RTN2: variants seen among roughly 807,000 people sequenced by gnomAD.
The protein encoded by RTN2 is reticulon-2.
In RTN2, 36 loss-of-function variants were observed where a neutral mutation model predicts 63.7. The observed-to-expected ratio is 0.56, with a 90% CI of 0.43 to 0.75. RTN2 has a LOEUF of 0.75. Among genes scored for constraint, RTN2 ranks in the 30% least tolerant of loss-of-function variants. The pLI is 0.00. For synonymous variants in RTN2, 312 were observed against 313.0 expected (o/e 1.00, Z 0.03); for missense variants, 673 against 705.1 (o/e 0.95, Z 0.52).
chr19:45,489,289 G>A (rs1360358445), intron 6 of RTN2, 57 bp downstream of exon 6: 29 of 1,490,730 alleles, frequency 1.9e-5, no homozygotes, highest in Non-Finnish European at 2.5e-5. Context: ...ATTTGAGGTC[G>A]TGGGTCATGC....
intron 6 of RTN2, 180 bp from the exon 7 acceptor site, chr19:45,489,166 C>T (rs935652980): frequency 2.3e-6 from 2 of 874,074 alleles, no homozygotes; most frequent in South Asian, 1.7e-5. Flanking sequence ...GGGAAGGGAT[C>T]GAGGATGAAG....
At chr19:45,491,450 TC>T (rs1968158518) in intron 5 of RTN2, among the ~76,000 whole-genome samples, 3 of 149,688 alleles carry the variant, frequency 2.0e-5, no homozygotes, top group Admixed American at 1.3e-4. Flanking sequence ...AGCCTCTGCC[TC>T]CCGAGTTCAA....
At chr19:45,493,110 A>C in intron 5 of RTN2, 50 bp downstream of exon 5, 1 of 1,539,542 alleles carries the variant, frequency 6.5e-7, no homozygotes, top group Non-Finnish European at 9.0e-7. Flanking sequence ...GCGAGTTTGG[A>C]CCCCGTTCCG....
At chr19:45,489,286 G>C in intron 6 of RTN2, 60 bp downstream of exon 6, 1 of 1,480,702 alleles carries the variant, frequency 6.8e-7, no homozygotes, top group Non-Finnish European at 9.2e-7. Flanking sequence ...CTGATTTGAG[G>C]TCGTGGGTCA....
chr19:45,494,698 G>A lies in RTN2; in HGVS notation c.387C>T (p.Thr129=), dbSNP rs375788260. The A allele has an allele frequency of 1.9e-6, 3 of 1,613,408 alleles. No homozygotes were observed. The highest frequency in any genetic ancestry group is 1.3e-5 in the African/African-American group (1 of 74,930). Residue 129 remains threonine (T), a synonymous_variant, in exon 3 of 11, where the codon ACC becomes ACT. Transcript: ENST00000245923. This position sits in a 1 kb window ranked among gnomAD's most constrained non-coding sequence, Gnocchi z 5.3. ...CCAGAGGGCGCTCGGATGGAGGCGC[G>A]GTGTCAGGATCACCCCGTCGTCCAG... The part of the protein sequence containing the change: ...PEPGRRGDPD[T]APPSERPLED...
rs1968104699 is a variant in RTN2 at position 45,489,456 on chromosome 19, C to T, written c.1131G>A (p.Val377=). The T allele has an allele frequency of 6.2e-7, 1 of 1,612,690 alleles. No individual in the cohort carries two copies. The highest frequency in any genetic ancestry group is 8.5e-7 in the Non-Finnish European group (1 of 1,179,500). The change falls in exon 6 of 11, where the codon GTG becomes GTA. Residue 377 remains valine (V), a synonymous_variant. Transcript: ENST00000245923. ...ACAGAGCCAAGTGCGCGGCCACGGA[C>T]ACGATGCTAAAGTGCAGGAGGCAGA... ...SLLCLLHFSI[V]SVAAHLALLL...
Position 45,489,570 on chromosome 19 carries a change from G to A in RTN2, c.1034-17C>T. ...GGTCCGCCACTGTGGAGGGGTGGGGGGCATCAGGGCTTGTACCTGACCTGG... is the reference window on the plus strand; with the variant it reads ...GGTCCGCCACTGTGGAGGGGTGGGGAGCATCAGGGCTTGTACCTGACCTGG... On this transcript the variant is annotated splice_polypyrimidine_tract_variant and intron_variant, in intron 5 of 10. Coordinates refer to ENST00000245923, the MANE Select transcript of RTN2 (RefSeq NM_005619.5). 6.4e-7 allele frequency: 1 copy of A among 1,569,996 alleles called. No individual in the cohort carries two copies. The highest frequency in any genetic ancestry group is 8.6e-7 in the Non-Finnish European group (1 of 1,156,674).
In RTN2 at chr19:45,494,152, T is replaced by C. The variant is rs780459042; in HGVS notation, c.814+14A>G. ...TCTGTGGGCCAATGCAGCATCTTCA[T>C]ACACGTTGCTTACCTAGAAGGCGTG... On this transcript the variant is annotated intron_variant, in intron 4 of 10. Transcript: ENST00000245923. The surrounding 1 kb of genome is among the most constrained non-coding windows in gnomAD (Gnocchi z 5.3). The C allele has an allele frequency of 1.3e-6, 2 of 1,599,810 alleles. No homozygotes were observed. The highest frequency in any genetic ancestry group is 1.1e-5 in the South Asian group (1 of 91,064).
chr19:45,494,699 G>T lies in RTN2; in HGVS notation c.386C>A (p.Thr129Asn), dbSNP rs747332877. 6.2e-7 allele frequency: 1 copy of T among 1,613,550 alleles called. No homozygotes were observed. Among genetic ancestry groups the T allele is most frequent in the Non-Finnish European group, 8.5e-7 (1 of 1,179,986 alleles). The stretch of plus-strand genomic sequence containing the variant: ...CAGAGGGCGCTCGGATGGAGGCGCG[G>T]TGTCAGGATCACCCCGTCGTCCAGG... ...PEPGRRGDPD[T>N]APPSERPLED... The change falls in exon 3 of 11, where the codon ACC becomes AAC. Residue 129 changes from threonine to asparagine, a missense_variant. Physicochemically the swap from Thr to Asn is moderately conservative, Grantham distance 65. Transcript: ENST00000245923. The surrounding 1 kb of genome is among the most constrained non-coding windows in gnomAD (Gnocchi z 5.3).
chr19:45,491,594 C>T (rs1212174924), intron 5 of RTN2, among the ~76,000 whole-genome samples: 5 of 147,568 alleles, frequency 3.4e-5, no homozygotes, highest in Admixed American at 1.4e-4. Flanking sequence ...TGCAGTGGCG[C>T]GATCTCAGCT....
chr19:45,488,624 C>CT lies in RTN2; in HGVS notation c.1450+12dup. 6.2e-7 allele frequency: 1 copy of CT among 1,613,902 alleles called. No individual in the cohort carries two copies. The highest frequency in any genetic ancestry group is 8.5e-7 in the Non-Finnish European group (1 of 1,179,868). ...CAAGTCCCCATTTGCCCCTTACGGC[C>CT]TTCCCAGCTCACCCAGAATGAGAAG... On this transcript the variant is annotated intron_variant, in intron 8 of 10. Coordinates refer to ENST00000245923, the MANE Select transcript of RTN2 (RefSeq NM_005619.5).
chr19:45,485,506 A>G lies in RTN2; in HGVS notation c.*202T>C. ...GGCCAAGGTGCCTCGTCTTTCCTGG[A>G]CTCCTGGAGCAGAGCCTCTTGGGAA... On this transcript the variant is annotated 3_prime_UTR_variant, in exon 11 of 11. Coordinates refer to ENST00000245923, the MANE Select transcript of RTN2 (RefSeq NM_005619.5). The G allele has an allele frequency of 3.4e-6, 2 of 580,426 alleles. No homozygotes were observed. Among genetic ancestry groups the G allele is most frequent in the Non-Finnish European group, 6.2e-6 (2 of 324,260 alleles). 36.0% of individuals were successfully genotyped at this position (580,426 alleles called of 1,614,324 possible).
intron 9 of RTN2, 88 bp downstream of exon 9, chr19:45,488,383 A>G (rs1001327501): frequency 7.1e-6 from 10 of 1,418,368 alleles, no homozygotes; most frequent in African/African-American, 1.4e-5. Flanking sequence ...TGGCCGGGAC[A>G]TCTGTCAATG....
chr19:45,491,443 C>G (rs1968158405), intron 5 of RTN2, among the ~76,000 whole-genome samples: 1 of 151,520 alleles, frequency 6.6e-6, no homozygotes, highest in Non-Finnish European at 1.5e-5. Context: ...TCACTGCAGC[C>G]TCTGCCTCCC....
chr19:45,496,721 G>A (rs979595574), intron 1 of RTN2, 71 bp downstream of exon 1: 5 of 1,096,874 alleles, frequency 4.6e-6, no homozygotes, highest in African/African-American at 1.6e-5. Context: ...GGCAAGCGCC[G>A]AGGGGACACC....
In RTN2 at chr19:45,493,258, G is replaced by A. The variant is rs754426090; in HGVS notation, c.935C>T (p.Pro312Leu). Residue 312 changes from proline (P) to leucine (L), a missense_variant, in exon 5 of 11, where the codon CCC (proline) becomes CTC (leucine). Pro to Leu is a moderately conservative substitution (Grantham distance 98). Transcript: ENST00000245923. ...AIGWVQRGPT[P>L]PTPVLRVLLK... ...TAGAACCCGGAGGACAGGAGTAGGGGGGGTGGGGCCCCTTTGGACCCAGCC... is the reference window on the plus strand; with the variant it reads ...TAGAACCCGGAGGACAGGAGTAGGGAGGGTGGGGCCCCTTTGGACCCAGCC... 5.0e-6 allele frequency: 8 copies of A among 1,613,672 alleles called. No homozygotes were observed. Among genetic ancestry groups the A allele is most frequent in the African/African-American group, 1.3e-5 (1 of 75,006 alleles).
In RTN2 at chr19:45,493,382, G is replaced by A; in HGVS notation, c.815-4C>T. The A allele has an allele frequency of 6.2e-7, 1 of 1,602,312 alleles. No homozygotes were observed. On this transcript the variant is annotated splice_polypyrimidine_tract_variant and splice_region_variant and intron_variant, in intron 4 of 10. Transcript: ENST00000245923. The stretch of plus-strand genomic sequence containing the variant: ...TTTAACCATTCCATAGCTGTTCCTG[G>A]AGGCGGAGCATATTTTAAAGTAAGG...
At chr19:45,485,825 A>T (rs780520853) in intron 10 of RTN2, 36 bp from the exon 11 acceptor site, 4 of 1,558,812 alleles carry the variant, frequency 2.6e-6, no homozygotes, top group Non-Finnish European at 3.5e-6. Context: ...GAGGTGGGGC[A>T]AGAGACGCGG....
Position 45,494,338 on chromosome 19 carries a change from G to A in RTN2, c.642C>T (p.Pro214=), listed in dbSNP as rs1156997577. ...TPQLSPGSGT[P]QAGTPSPSRS... Reference sequence around the variant, plus strand: ...GGGATGGGGACGGAGTACCGGCCTGGGGTGTCCCAGAGCCCGGACTGAGCT... The same window carrying A: ...GGGATGGGGACGGAGTACCGGCCTGAGGTGTCCCAGAGCCCGGACTGAGCT... Residue 214 remains proline, a synonymous_variant, in exon 4 of 11, where the codon CCC becomes CCT. Coordinates refer to ENST00000245923, the MANE Select transcript of RTN2 (RefSeq NM_005619.5). The surrounding 1 kb of genome is among the most constrained non-coding windows in gnomAD (Gnocchi z 5.3). The A allele has an allele frequency of 6.2e-7, 1 of 1,614,178 alleles. No homozygotes were observed. The highest frequency in any genetic ancestry group is 1.1e-5 in the South Asian group (1 of 91,086).
Sources: allele counts gnomAD v4.1 joint callset (sites outside exome capture counted in the v4.1 genomes callset), GRCh38; gene constraint gnomAD v4.1.1; non-coding constraint Gnocchi (gnomAD v3.1); transcripts MANE v1.5; gene names NCBI Gene and HGNC (gene_info 2026-07-23, HGNC 2026-07-21).